The following GLIS2 variants were observed in gnomAD, a reference collection of about 807,000 sequenced individuals.
GLIS2 encodes the protein GLIS family zinc finger 2.
Under a neutral mutation model 35.6 loss-of-function variants are expected in GLIS2, and 14 were observed. The ratio of observed to expected loss-of-function variants is 0.39; its 90% CI spans 0.26 to 0.61. The LOEUF is 0.61. Among genes scored for constraint, GLIS2 ranks in the 20% least tolerant of loss-of-function variants. GLIS2 has a pLI of 0.48. For missense variants in GLIS2, 675 were observed against 713.4 expected (o/e 0.95, Z 0.61); for synonymous variants, 368 against 325.1 (o/e 1.13, Z -1.42).
At chr16:4,327,010 G>A (rs1052922653) in intron 1 of GLIS2, among the ~76,000 whole-genome samples, 7 of 152,038 alleles carry the variant, frequency 4.6e-5, no homozygotes, top group Admixed American at 1.3e-4. Context: ...GTCCGCCCTC[G>A]GCCTCCCAAA....
chr16:4,333,947 T>C (rs2141131848), intron 3 of GLIS2, among the ~76,000 whole-genome samples: 1 of 152,096 alleles, frequency 6.6e-6, no homozygotes, highest in South Asian at 2.1e-4. Flanking sequence ...ACCCCATCTC[T>C]ATTTATTTTT....
intron 1 of GLIS2, among the ~76,000 whole-genome samples, chr16:4,326,274 T>A (rs2053429449): frequency 1.3e-5 from 2 of 151,928 alleles, no homozygotes. Flanking sequence ...AAAACAAAGG[T>A]GACCACATAG....
rs1479090067 is a variant in GLIS2 at position 4,320,427 on chromosome 16, C to G, written c.-67+4173C>G. Among the ~76,000 whole-genome samples the G allele has an allele frequency of 6.6e-6, 1 of 152,048 alleles. No individual in the cohort carries two copies. Among genetic ancestry groups the G allele is most frequent in the Admixed American group, 6.5e-5 (1 of 15,282 alleles). ...GTCGTCGGAGGCCGGTGGGGGGAAA[C>G]TGAGGCTCTGAGACATTTGAGGGTT... On this transcript the variant is annotated intron_variant, in intron 1 of 6. Coordinates refer to ENST00000433375, the MANE Select transcript of GLIS2 (RefSeq NM_032575.3). This position sits in a 1 kb window ranked among gnomAD's most constrained non-coding sequence, Gnocchi z 5.6.
intron 1 of GLIS2, chr16:4,326,587 C>G (rs2053432464): frequency 6.6e-6 from 1 of 152,182 alleles, no homozygotes; most frequent in African/African-American, 2.4e-5. Context: ...CAGCCACCCT[C>G]CCCCAAGCAG....
intron 3 of GLIS2, 93 bp from the exon 4 acceptor site, chr16:4,334,708 G>A: frequency 6.8e-7 from 1 of 1,466,022 alleles, no homozygotes; most frequent in South Asian, 1.1e-5. Flanking sequence ...GGACCTGAAT[G>A]TCTCTGTTTG....
chr16:4,322,696 C>CT (rs1032537698), intron 1 of GLIS2, among the ~76,000 whole-genome samples: 3 of 151,926 alleles, frequency 2.0e-5, no homozygotes, highest in African/African-American at 7.3e-5. Context: ...CTAGCAGGGC[C>CT]TGGCGTTGGA....
chr16:4,336,336 G>A (rs1205926445), intron 6 of GLIS2: 3 of 392,730 alleles, frequency 7.6e-6, no homozygotes, highest in East Asian at 5.6e-5. Flanking sequence ...TAGTAGAGAC[G>A]GGGTCTCACC....
chr16:4,331,526 T>C, intron 1 of GLIS2: 1 of 152,914 alleles, frequency 6.5e-6, no homozygotes, highest in East Asian at 1.9e-4. Flanking sequence ...CACCGCTATA[T>C]TTCTGCGTAT....
rs1293563095 is a variant in GLIS2, at chr16:4,320,024, T to C, written c.-67+3770T>C. ...CCCCTGCTGGGGGATGGGTGGGGGC[T>C]GAGACTCTTCCAGTTCGATGGCTGG... On this transcript the variant is annotated intron_variant, in intron 1 of 6. Coordinates refer to ENST00000433375, the MANE Select transcript of GLIS2 (RefSeq NM_032575.3). The surrounding 1 kb of genome is among the most constrained non-coding windows in gnomAD (Gnocchi z 5.6). 2.0e-5 allele frequency among the ~76,000 whole-genome samples: 3 copies of C among 148,790 alleles called. No individual in the cohort carries two copies.
chr16:4,330,803 A>C (rs1195208982), intron 1 of GLIS2, among the ~76,000 whole-genome samples: 1 of 152,188 alleles, frequency 6.6e-6, no homozygotes, highest in Admixed American at 6.5e-5. Flanking sequence ...GCCCCCCAAA[A>C]TCTGGCTGTA....
rs776183248 is a variant in GLIS2, at chr16:4,335,126, GAGA to G, written c.592_594del (p.Lys198del). On this transcript the variant is annotated inframe_deletion, in exon 5 of 7. Coordinates refer to ENST00000433375, the MANE Select transcript of GLIS2 (RefSeq NM_032575.3). This position sits in a 1 kb window ranked among gnomAD's most constrained non-coding sequence, Gnocchi z 4.6. ...TGTCAACGATTACCATGTCAAGCCC[GAGA>G]AGGATGCGGGGTACTGCTGCCACTG... is the stretch of plus-strand genomic sequence containing the variant. 6.2e-7 allele frequency: 1 copy of G among 1,613,408 alleles called. No homozygotes were observed. The highest frequency in any genetic ancestry group is 8.5e-7 in the Non-Finnish European group (1 of 1,180,036).
chr16:4,322,842 C>T (rs895442453), intron 1 of GLIS2, among the ~76,000 whole-genome samples: 1 of 152,220 alleles, frequency 6.6e-6, no homozygotes, highest in African/African-American at 2.4e-5. Flanking sequence ...GCAGGGGAGG[C>T]GTGGGCCACG....
intron 2 of GLIS2, among the ~76,000 whole-genome samples, chr16:4,333,100 C>T (rs558863027): frequency 7.9e-5 from 12 of 152,188 alleles, no homozygotes; most frequent in Non-Finnish European, 1.3e-4. Flanking sequence ...AGACCATTCC[C>T]GTCTGCAAAG....
chr16:4,319,174 TC>T (rs1221561878), intron 1 of GLIS2, among the ~76,000 whole-genome samples: 1 of 152,040 alleles, frequency 6.6e-6, no homozygotes, highest in Non-Finnish European at 1.5e-5. Flanking sequence ...GAGAAAAGTG[TC>T]CCCTGAATCC....
At position 4,335,492 on chromosome 16, in the gene GLIS2, C is replaced by T. The variant is rs548366476; in HGVS notation, c.775+99C>T. 3.7e-4 allele frequency: 394 copies of T among 1,073,196 alleles called. 1 individual carries two copies. The highest frequency in any genetic ancestry group is 2.4e-3 in the African/African-American group (155 of 64,266). 66.5% of individuals were successfully genotyped at this position (1,073,196 alleles called of 1,614,324 possible). On this transcript the variant is annotated intron_variant, in intron 6 of 6. Coordinates refer to ENST00000433375, the MANE Select transcript of GLIS2 (RefSeq NM_032575.3). The surrounding 1 kb of genome is among the most constrained non-coding windows in gnomAD (Gnocchi z 4.6). The stretch of plus-strand genomic sequence containing the variant: ...GGGGAGGGGACTGTTAAGTAAATCC[C>T]GGGCCTCAGAGATAAGGGTTGATGT...
At chr16:4,327,801 G>C (rs1373283525) in intron 1 of GLIS2, among the ~76,000 whole-genome samples, 1 of 135,296 alleles carries the variant, frequency 7.4e-6, no homozygotes, top group Non-Finnish European at 1.6e-5. Context: ...CGCCGCAGCC[G>C]CTTCCTCCCG....
chr16:4,317,412 G>A (rs527538475), intron 1 of GLIS2, among the ~76,000 whole-genome samples: 1 of 152,286 alleles, frequency 6.6e-6, no homozygotes, highest in African/African-American at 2.4e-5. Flanking sequence ...GAGGGAAGGT[G>A]GGGCCAGCCT....
At chr16:4,323,448 G>A (rs1445720887) in intron 1 of GLIS2, among the ~76,000 whole-genome samples, 1 of 151,844 alleles carries the variant, frequency 6.6e-6, no homozygotes, top group African/African-American at 2.4e-5. Flanking sequence ...AGGTGCAGCA[G>A]CGGGCAGGCA....
chr16:4,334,756 C>T (rs1245868231), intron 3 of GLIS2, 45 bp from the exon 4 acceptor site: 1 of 1,610,096 alleles, frequency 6.2e-7, no homozygotes, highest in Non-Finnish European at 8.5e-7. Flanking sequence ...GGACGGGGGG[C>T]TCTGGGCCAG....
Sources: gnomAD v4.1 joint callset for allele counts (sites outside exome capture counted in the v4.1 genomes callset) on GRCh38, gnomAD v4.1.1 for gene constraint, Gnocchi (gnomAD v3.1) non-coding constraint, MANE v1.5 for transcripts, NCBI Gene and HGNC (gene_info 2026-07-23, HGNC 2026-07-21) for gene names.